RNF144B: variants seen among roughly 807,000 people sequenced by gnomAD.
RNF144B encodes ring finger protein 144B, also known as E3 ubiquitin-protein ligase RNF144B.
In RNF144B, 25 loss-of-function variants were observed where a neutral mutation model predicts 40.2. The observed-to-expected ratio is 0.62, with a 90% CI of 0.45 to 0.87. The LOEUF is 0.87. Among genes scored for constraint, RNF144B ranks in the 40% least tolerant of loss-of-function variants. The probability of loss-of-function intolerance (pLI) is 0.00; values close to 1 mark genes in which losing one functional copy is unlikely to be tolerated. For missense variants in RNF144B, 365 were observed against 373.7 expected, an observed-to-expected ratio of 0.98 and a Z score of 0.19; for synonymous variants, 145 against 136.3, an observed-to-expected ratio of 1.06 and a Z score of -0.44.
chr6:18,454,956 C>G (rs1251898667), intron 4 of RNF144B, among the ~76,000 whole-genome samples: 1 of 152,132 alleles, frequency 6.6e-6, no homozygotes, highest in African/African-American at 2.4e-5. Context: ...ATTTTTCCTT[C>G]TTTTTCATCA....
At position 18,399,490 on chromosome 6, in the gene RNF144B, T is replaced by C. The variant is rs772612114; in HGVS notation, c.-36-9T>C. The C allele has an allele frequency of 4.4e-6, 7 of 1,599,514 alleles. No individual in the cohort carries two copies. The highest frequency in any genetic ancestry group is 6.0e-6 in the Non-Finnish European group (7 of 1,169,780). On this transcript the variant is annotated splice_polypyrimidine_tract_variant and intron_variant, in intron 1 of 7. Coordinates refer to ENST00000259939, the MANE Select transcript of RNF144B (RefSeq NM_182757.4). ...CATATAATATTTTCTGCTTTGGACC[T>C]TTCTATAGGGATTGAGGAGACTGAA...
chr6:18,426,179 A>C (rs1758544949), intron 2 of RNF144B, among the ~76,000 whole-genome samples: 3 of 152,222 alleles, frequency 2.0e-5, no homozygotes, highest in Admixed American at 6.5e-5. Context: ...GTGCAACAGC[A>C]ATATTTTTAA....
chr6:18,396,513 C>T, intron 1 of RNF144B: 1 of 985,170 alleles, frequency 1.0e-6, no homozygotes, highest in Non-Finnish European at 1.2e-6. Flanking sequence ...CTATTCACAC[C>T]AGCTTTCTCC....
intron 1 of RNF144B, among the ~76,000 whole-genome samples, chr6:18,392,944 C>A (rs1794614777): frequency 6.6e-6 from 1 of 151,856 alleles, no homozygotes; most frequent in Admixed American, 6.6e-5. Context: ...CATGGTGAAA[C>A]CCCGTCTCTA....
In RNF144B at chr6:18,430,657, A is replaced by ATT. The variant is rs59026530; in HGVS notation, c.270+2986_270+2987dup. Among the ~76,000 whole-genome samples, 214 of 148,198 alleles carry ATT rather than the reference A, an allele frequency of 1.4e-3. 1 individual carries two copies. The highest frequency in any genetic ancestry group is 5.0e-3 in the African/African-American group (201 of 40,052). On this transcript the variant is annotated intron_variant, in intron 3 of 7. Transcript: ENST00000259939. ...CACCACCATGCCTGGCTAATTTTTA[A>ATT]TTTTTTTTTTTTTTTAAAGAGAGGG...
intron 2 of RNF144B, among the ~76,000 whole-genome samples, chr6:18,420,910 A>T (rs547088569): frequency 1.5e-4 from 23 of 152,292 alleles, no homozygotes; most frequent in African/African-American, 5.3e-4. Flanking sequence ...TATATCTCTT[A>T]AAGAATAAGA....
intron 3 of RNF144B, among the ~76,000 whole-genome samples, chr6:18,430,812 C>T (rs937433101): frequency 1.3e-5 from 2 of 151,884 alleles, no homozygotes; most frequent in Admixed American, 6.6e-5. Flanking sequence ...CTTTGTATTT[C>T]CCCCCTCCTT....
Position 18,460,869 on chromosome 6 carries a change from CAT to C in RNF144B, c.681+1120_681+1121del, listed in dbSNP as rs1759436424. Among the ~76,000 whole-genome samples the C allele has an allele frequency of 6.6e-6, 1 of 152,176 alleles. No individual in the cohort carries two copies. Among genetic ancestry groups the C allele is most frequent in the Non-Finnish European group, 1.5e-5 (1 of 68,036 alleles). On this transcript the variant is annotated intron_variant, in intron 6 of 7. Transcript: ENST00000259939. The surrounding 1 kb of genome is among the most constrained non-coding windows in gnomAD (Gnocchi z 4.4). ...TCTGGTCTTTTAAAGTTTGGGGTAA[CAT>C]AAGTTGTTTATAGATAACACTCTGT... is the stretch of plus-strand genomic sequence containing the variant.
rs1246066425 is a variant in RNF144B at position 18,398,866 on chromosome 6, C to T, written c.-36-633C>T. 6.6e-6 allele frequency among the ~76,000 whole-genome samples: 1 copy of T among 152,134 alleles called. No individual in the cohort carries two copies. Among genetic ancestry groups the T allele is most frequent in the Non-Finnish European group, 1.5e-5 (1 of 68,032 alleles). On this transcript the variant is annotated intron_variant, in intron 1 of 7. Coordinates refer to ENST00000259939, the MANE Select transcript of RNF144B (RefSeq NM_182757.4). The surrounding 1 kb of genome is among the most constrained non-coding windows in gnomAD (Gnocchi z 5.0). ...CCTCTTTGTTTAACTTTTTGAATGA[C>T]ATTCTATTTTAAGTACTTTTTGAGT...
intron 1 of RNF144B, among the ~76,000 whole-genome samples, chr6:18,389,130 A>G (rs1436089627): frequency 6.6e-6 from 1 of 152,178 alleles, no homozygotes; most frequent in Non-Finnish European, 1.5e-5. Flanking sequence ...ATTTACAGTC[A>G]TCTATGCCAA....
At chr6:18,411,087 C>A (rs991188450) in intron 2 of RNF144B, among the ~76,000 whole-genome samples, 3 of 151,588 alleles carry the variant, frequency 2.0e-5, no homozygotes, top group African/African-American at 7.3e-5. Context: ...CGGGTTCAAG[C>A]AGTTCTCCTA....
intron 3 of RNF144B, among the ~76,000 whole-genome samples, chr6:18,433,059 G>T (rs902548732): frequency 6.6e-6 from 1 of 152,174 alleles, no homozygotes; most frequent in Non-Finnish European, 1.5e-5. Context: ...ATATTTAGTT[G>T]GGTGGCTTTG....
chr6:18,457,275 A>G lies in RNF144B; in HGVS notation c.452A>G (p.Lys151Arg). Residue 151 changes from lysine to arginine, a missense_variant, in exon 5 of 8, where the codon AAA (lysine) becomes AGA (arginine). Physicochemically the swap from Lys to Arg is conservative, Grantham distance 26. Coordinates refer to ENST00000259939, the MANE Select transcript of RNF144B (RefSeq NM_182757.4). This position sits in a 1 kb window ranked among gnomAD's most constrained non-coding sequence, Gnocchi z 5.1. Reference sequence around the variant, plus strand: ...GTGGAATGCCCTTCTTGCCACCTGAAATTCTGCTCGTGTTGCAAGGATGCT... The same window carrying G: ...GTGGAATGCCCTTCTTGCCACCTGAGATTCTGCTCGTGTTGCAAGGATGCT... ...VLVECPSCHLKFCSCCKDAWH... is the reference protein window; with the variant it reads ...VLVECPSCHLRFCSCCKDAWH... 6.2e-7 allele frequency: 1 copy of G among 1,614,112 alleles called. No homozygotes were observed. The highest frequency in any genetic ancestry group is 8.5e-7 in the Non-Finnish European group (1 of 1,180,010).
chr6:18,430,815 C>T (rs1055781773), intron 3 of RNF144B, among the ~76,000 whole-genome samples: 1 of 152,092 alleles, frequency 6.6e-6, no homozygotes, highest in African/African-American at 2.4e-5. Flanking sequence ...TGTATTTCCC[C>T]CCTCCTTTGT....
intron 2 of RNF144B, among the ~76,000 whole-genome samples, chr6:18,426,811 T>C (rs1168863547): frequency 1.3e-5 from 2 of 150,182 alleles, no homozygotes; most frequent in Non-Finnish European, 2.9e-5. Context: ...GGGTTTCATT[T>C]TTTCTATTCA....
rs1758442268 is a variant in RNF144B at position 18,422,204 on chromosome 6, G to T, written c.166-5377G>T. Among the ~76,000 whole-genome samples, 1 of 152,124 alleles carries T rather than the reference G, an allele frequency of 6.6e-6. No individual in the cohort carries two copies. The highest frequency in any genetic ancestry group is 1.5e-5 in the Non-Finnish European group (1 of 68,020). ...TTGGATAGGCTTTTGAGTAGGGAGAGATACTATCTTGAATTGTGCTAATAA... is the reference window on the plus strand; with the variant it reads ...TTGGATAGGCTTTTGAGTAGGGAGATATACTATCTTGAATTGTGCTAATAA... On this transcript the variant is annotated intron_variant, in intron 2 of 7. Coordinates refer to ENST00000259939, the MANE Select transcript of RNF144B (RefSeq NM_182757.4). This position sits in a 1 kb window ranked among gnomAD's most constrained non-coding sequence, Gnocchi z 4.7.
At chr6:18,454,979 A>T (rs1018981487) in intron 4 of RNF144B, among the ~76,000 whole-genome samples, 2 of 152,166 alleles carry the variant, frequency 1.3e-5, no homozygotes, top group African/African-American at 4.8e-5. Flanking sequence ...CTTTTAAAAG[A>T]TCTCTGATTT....
At chr6:18,426,564 C>T (rs1758558892) in intron 2 of RNF144B, among the ~76,000 whole-genome samples, 1 of 152,202 alleles carries the variant, frequency 6.6e-6, no homozygotes, top group Non-Finnish European at 1.5e-5. Context: ...CCAGACACAA[C>T]AGGCAGTGAG....
chr6:18,433,755 G>A (rs570600881), intron 3 of RNF144B, among the ~76,000 whole-genome samples: 2 of 152,296 alleles, frequency 1.3e-5, no homozygotes, highest in African/African-American at 2.4e-5. Flanking sequence ...TTCCAATCAG[G>A]ATTTTTAATC....
Sources: gnomAD v4.1 joint callset for allele counts (sites outside exome capture counted in the v4.1 genomes callset) on GRCh38, gnomAD v4.1.1 for gene constraint, Gnocchi (gnomAD v3.1) non-coding constraint, MANE v1.5 for transcripts, NCBI Gene and HGNC (gene_info 2026-07-23, HGNC 2026-07-21) for gene names.